ERC1: variants seen among roughly 807,000 people sequenced by gnomAD.
ERC1 encodes the protein RAB6 interacting protein 2.
ERC1 carries 56 observed loss-of-function variants against 132.0 expected under a neutral mutation model. The observed-to-expected ratio is 0.42, with a 90% CI of 0.34 to 0.53. The LOEUF (loss-of-function observed/expected upper bound fraction) is 0.53. Ranked by LOEUF, ERC1 falls within the 20% of genes least tolerant of loss-of-function variation. The probability of loss-of-function intolerance (pLI) is 0.03; values close to 1 mark genes in which losing one functional copy is unlikely to be tolerated. For missense variants in ERC1, 1,202 were observed against 1,349.9 expected, an observed-to-expected ratio of 0.89 and a Z score of 1.72; for synonymous variants, 478 against 476.1, an observed-to-expected ratio of 1.00 and a Z score of -0.05.
intron 13 of ERC1, among the ~76,000 whole-genome samples, chr12:1,239,504 C>T (rs996422406): frequency 5.3e-5 from 8 of 152,160 alleles, no homozygotes; most frequent in African/African-American, 1.9e-4. Context: ...TGAAGGATCA[C>T]TTGAGACCAG....
rs143432169 is a variant in ERC1, at chr12:1,426,305, G to A, written c.3024+18058G>A. Among the ~76,000 whole-genome samples, 1,217 of 151,998 alleles carry A rather than the reference G, an allele frequency of 8.0e-3. 14 individuals are homozygous for A. Among genetic ancestry groups the A allele is most frequent in the Middle Eastern group, 0.027 (8 of 292 alleles). ...TTCTTAGTAGAGACAGGTTTTCACCGTGTTGGCCAGGCTGGTCTCGAACTC... is the reference window on the plus strand; with the variant it reads ...TTCTTAGTAGAGACAGGTTTTCACCATGTTGGCCAGGCTGGTCTCGAACTC... On this transcript the variant is annotated intron_variant, in intron 17 of 18. Transcript: ENST00000360905.
intron 18 of ERC1, among the ~76,000 whole-genome samples, chr12:1,470,641 G>A (rs531377785): frequency 4.9e-4 from 74 of 152,100 alleles, no homozygotes; most frequent in Non-Finnish European, 7.2e-4. Flanking sequence ...TAATTTGAAC[G>A]TCTCTGTTCA....
chr12:1,307,319 T>C (rs2080956086), intron 15 of ERC1, among the ~76,000 whole-genome samples: 1 of 152,218 alleles, frequency 6.6e-6, no homozygotes, highest in East Asian at 1.9e-4. Context: ...AACTCCCTGC[T>C]GCCCACTTTG....
intron 18 of ERC1, among the ~76,000 whole-genome samples, chr12:1,462,817 A>G (rs1255051765): frequency 6.6e-6 from 1 of 152,214 alleles, no homozygotes; most frequent in East Asian, 1.9e-4. Flanking sequence ...GTTATATGGC[A>G]ACGTTTAAAA....
intron 16 of ERC1, among the ~76,000 whole-genome samples, chr12:1,373,825 C>A (rs1186838044): frequency 1.3e-5 from 2 of 152,042 alleles, no homozygotes; most frequent in Non-Finnish European, 2.9e-5. Flanking sequence ...ATTAATTAAT[C>A]TCTGAGCTTA....
At chr12:1,363,915 A>T (rs748276085) in intron 15 of ERC1, among the ~76,000 whole-genome samples, 1 of 152,202 alleles carries the variant, frequency 6.6e-6, no homozygotes, top group Non-Finnish European at 1.5e-5. Flanking sequence ...ATAGAGAAAC[A>T]TGAGATGAGC....
At chr12:1,254,861 G>A (rs1486862696) in intron 13 of ERC1, among the ~76,000 whole-genome samples, 1 of 151,824 alleles carries the variant, frequency 6.6e-6, no homozygotes, top group East Asian at 1.9e-4. Flanking sequence ...TATACATTGT[G>A]GAATGATCAA....
rs544879816 is a variant in ERC1, at chr12:1,246,276, G to A, written c.2487+9372G>A. 1.1e-4 allele frequency among the ~76,000 whole-genome samples: 16 copies of A among 150,762 alleles called. No individual in the cohort carries two copies. The South Asian group carries it at 3.4e-3, about 32-fold the overall frequency. ...GTGGGAGAGTGCTTAAATTCACCATGGTGAATCTACACAAAGGAGACTGGC... is the reference window on the plus strand; with the variant it reads ...GTGGGAGAGTGCTTAAATTCACCATAGTGAATCTACACAAAGGAGACTGGC... On this transcript the variant is annotated intron_variant, in intron 13 of 18. Coordinates refer to ENST00000360905, the MANE Select transcript of ERC1 (RefSeq NM_178040.4).
intron 12 of ERC1, chr12:1,204,183 C>T: frequency 4.0e-6 from 1 of 250,872 alleles, no homozygotes; most frequent in Non-Finnish European, 7.7e-6. Context: ...AGATGGCTAA[C>T]CTTCTCTATT....
chr12:1,029,587 C>A (rs1232184078), intron 2 of ERC1, among the ~76,000 whole-genome samples: 1 of 151,976 alleles, frequency 6.6e-6, no homozygotes, highest in Non-Finnish European at 1.5e-5. Context: ...TAAGTGCTGT[C>A]ACATTAGCTA....
At chr12:1,112,016 A>G (rs1027338913) in intron 5 of ERC1, among the ~76,000 whole-genome samples, 199 bp from the exon 6 acceptor site, 9 of 148,186 alleles carry the variant, frequency 6.1e-5, no homozygotes, top group Non-Finnish European at 1.3e-4. Context: ...GTTGATTAGC[A>G]CATTCCAGTC....
Position 1,141,653 on chromosome 12 carries a change from GA to G in ERC1, c.1606del (p.Thr536ProfsTer3). The G allele has an allele frequency of 6.2e-7, 1 of 1,612,846 alleles. No individual in the cohort carries two copies. The highest frequency in any genetic ancestry group is 8.5e-7 in the Non-Finnish European group (1 of 1,179,288). On this transcript the variant is annotated frameshift_variant, in exon 8 of 19. Coordinates refer to ENST00000360905, the MANE Select transcript of ERC1 (RefSeq NM_178040.4). LOFTEE classifies it high-confidence loss of function. ...DALRLRLEEK[E>X]TMLNKKTKQI... ...TCTCCGATTGCGTTTGGAAGAGAAGGAAACCATGTTGAATAAAAAGACAAAA... is the reference window on the plus strand; with the variant it reads ...TCTCCGATTGCGTTTGGAAGAGAAGGAACCATGTTGAATAAAAAGACAAAA...
chr12:1,443,831 G>C (rs1255862173), intron 17 of ERC1: 3 of 152,168 alleles, frequency 2.0e-5, no homozygotes, highest in Non-Finnish European at 4.4e-5. Flanking sequence ...GGAAAGGAAT[G>C]AGAAAAGAAA....
At chr12:1,185,403 A>G (rs147898671) in intron 11 of ERC1, among the ~76,000 whole-genome samples, 3 of 151,482 alleles carry the variant, frequency 2.0e-5, no homozygotes, top group Non-Finnish European at 2.9e-5. Context: ...ATTTATTTCT[A>G]TACTCTGATT....
chr12:1,271,738 A>G (rs987735682), intron 14 of ERC1, among the ~76,000 whole-genome samples: 6 of 152,192 alleles, frequency 3.9e-5, no homozygotes, highest in African/African-American at 1.4e-4. Flanking sequence ...CTGAGATCCA[A>G]AGTTATGAAA....
chr12:1,083,187 T>C lies in ERC1; in HGVS notation c.693T>C (p.Ala231=). ...AGCACATGCAGATGACAATCCAGGC[T>C]CTCCAGGATGAATTGCGGATCCAGA... is the stretch of plus-strand genomic sequence containing the variant. ...ENQHMQMTIQ[A]LQDELRIQRD... The change falls in exon 3 of 19, where the codon GCT becomes GCC. Residue 231 remains alanine, a synonymous_variant. Transcript: ENST00000360905. The C allele has an allele frequency of 1.9e-6, 3 of 1,613,182 alleles. No homozygotes were observed. The highest frequency in any genetic ancestry group is 1.7e-6 in the Non-Finnish European group (2 of 1,179,722).
At chr12:1,007,717 A>T (rs1357660611) in intron 1 of ERC1, among the ~76,000 whole-genome samples, 2 of 152,142 alleles carry the variant, frequency 1.3e-5, no homozygotes, top group Non-Finnish European at 1.5e-5. Context: ...GGTATGTCTA[A>T]ACTAATTTAA....
chr12:1,271,740 G>A (rs1461995131), intron 14 of ERC1, among the ~76,000 whole-genome samples: 2 of 152,140 alleles, frequency 1.3e-5, no homozygotes, highest in African/African-American at 4.8e-5. Flanking sequence ...GAGATCCAAA[G>A]TTATGAAATA....
intron 12 of ERC1, among the ~76,000 whole-genome samples, chr12:1,204,774 A>G (rs551351899): frequency 6.6e-6 from 1 of 152,298 alleles, no homozygotes; most frequent in African/African-American, 2.4e-5. Context: ...TGAAAAGAGC[A>G]TTACGAGGAA....
Sources: allele counts gnomAD v4.1 joint callset (sites outside exome capture counted in the v4.1 genomes callset), GRCh38; gene constraint gnomAD v4.1.1; transcripts MANE v1.5; gene names NCBI Gene and HGNC (gene_info 2026-07-23, HGNC 2026-07-21).